AOX1: variants seen among roughly 807,000 people sequenced by gnomAD.
The protein encoded by AOX1 is aldehyde oxidase 1.
AOX1 carries 153 observed loss-of-function variants against 169.5 expected under a neutral mutation model. The ratio of observed to expected loss-of-function variants is 0.90; its 90% CI spans 0.79 to 1.03. AOX1 has a LOEUF of 1.03. AOX1 is among the 50% of genes least tolerant of loss of function. AOX1 has a pLI of 0.00. For missense variants in AOX1, 1,656 were observed against 1,663.9 expected (o/e 1.00, Z 0.08); for synonymous variants, 562 against 581.9 (o/e 0.97, Z 0.49).
At chr2:200,651,328 C>A in intron 26 of AOX1, 127 bp downstream of exon 26, 1 of 765,336 alleles carries the variant, frequency 1.3e-6, no homozygotes, top group Non-Finnish European at 2.1e-6. Flanking sequence ...TTAAATTTCA[C>A]AAAAGCCACC....
chr2:200,622,606 T>G (rs942366460), intron 18 of AOX1, among the ~76,000 whole-genome samples: 12 of 152,176 alleles, frequency 7.9e-5, no homozygotes, highest in Non-Finnish European at 1.8e-4. Context: ...GGTGAGAATT[T>G]AAGCCCTTTG....
chr2:200,658,220 C>A (rs556431129), intron 27 of AOX1, among the ~76,000 whole-genome samples: 1 of 152,200 alleles, frequency 6.6e-6, no homozygotes, highest in Admixed American at 6.5e-5. Flanking sequence ...AGAAAGTATC[C>A]CTCTCATGAC....
intron 31 of AOX1, among the ~76,000 whole-genome samples, chr2:200,663,596 T>TCCCC (rs1553579858): frequency 6.8e-6 from 1 of 147,928 alleles, no homozygotes. Flanking sequence ...TCTCTCTCTC[T>TCCCC]CCCCCTCTTT....
intron 19 of AOX1, among the ~76,000 whole-genome samples, chr2:200,626,684 C>T (rs2035012877): frequency 6.6e-6 from 1 of 152,174 alleles, no homozygotes; most frequent in Non-Finnish European, 1.5e-5. Flanking sequence ...AGCTGGAGGT[C>T]CCAGGTGCTC....
Position 200,620,745 on chromosome 2 carries a change from T to C in AOX1, c.1800T>C (p.Cys600=), listed in dbSNP as rs376368613. Residue 600 remains cysteine (C), a synonymous_variant, in exon 17 of 35, where the codon TGT becomes TGC. Transcript: ENST00000374700. ...ATGCCACGGGGGAGGCCATCTACTG[T>C]GATGACATGCCTCTGGTGGACCAGG... is the stretch of plus-strand genomic sequence containing the variant. ...VKHATGEAIY[C]DDMPLVDQEL... The C allele has an allele frequency of 1.9e-6, 3 of 1,609,108 alleles. No individual in the cohort carries two copies. Among genetic ancestry groups the C allele is most frequent in the Non-Finnish European group, 2.5e-6 (3 of 1,178,420 alleles).
At chr2:200,641,037 T>C (rs2035341848) in intron 23 of AOX1, 61 bp from the exon 24 acceptor site, 1 of 1,271,522 alleles carries the variant, frequency 7.9e-7, no homozygotes, top group Middle Eastern at 1.9e-4. Flanking sequence ...GGTTTGCAAA[T>C]GACAAAATTT....
In AOX1 at chr2:200,662,946, G is replaced by C. The variant is rs911733529; in HGVS notation, c.3520G>C (p.Asp1174His). ...AGCTGCCTGTTCCGAGGTTGAAATA[G>C]ACTGCCTGACGGGGGATCATAAGGT... ...YGAACSEVEI[D>H]CLTGDHKNIR... Residue 1174 changes from aspartate to histidine, a missense_variant, in exon 31 of 35, where the codon GAC becomes CAC. Coordinates refer to ENST00000374700, the MANE Select transcript of AOX1 (RefSeq NM_001159.4). 5.6e-6 allele frequency: 9 copies of C among 1,614,066 alleles called. No individual in the cohort carries two copies. The highest frequency in any genetic ancestry group is 2.2e-5 in the East Asian group (1 of 44,876).
At chr2:200,593,049 G>A in intron 1 of AOX1, 97 bp from the exon 2 acceptor site, 1 of 910,444 alleles carries the variant, frequency 1.1e-6, no homozygotes, top group Non-Finnish European at 1.8e-6. Context: ...GAGTAAAAGG[G>A]CTAATTAACA....
intron 20 of AOX1, among the ~76,000 whole-genome samples, chr2:200,628,120 A>G (rs1159966953): frequency 6.6e-6 from 1 of 152,162 alleles, no homozygotes; most frequent in East Asian, 1.9e-4. Context: ...AACTTACATA[A>G]AAGTTGCAGA....
At chr2:200,611,527 A>C in intron 13 of AOX1, 34 bp downstream of exon 13, 6 of 1,335,674 alleles carry the variant, frequency 4.5e-6, no homozygotes, top group Non-Finnish European at 6.5e-6. Flanking sequence ...TCCCAGTTGC[A>C]CCTGTGATGC....
intron 3 of AOX1, 28 bp downstream of exon 3, chr2:200,595,396 T>A (rs2034263046): frequency 6.4e-7 from 1 of 1,553,530 alleles, no homozygotes; most frequent in Non-Finnish European, 8.8e-7. Flanking sequence ...CCAGATATGG[T>A]TGAATTTTTA....
intron 17 of AOX1, 111 bp from the exon 18 acceptor site, chr2:200,621,009 C>T (rs1268105716): frequency 2.1e-6 from 3 of 1,397,598 alleles, no homozygotes. Context: ...TCCCAATTGT[C>T]TGGCAGAGAC....
intron 25 of AOX1, among the ~76,000 whole-genome samples, chr2:200,648,575 G>A (rs909830109): frequency 6.6e-6 from 1 of 152,194 alleles, no homozygotes; most frequent in African/African-American, 2.4e-5. Flanking sequence ...CTCCTACCAG[G>A]AGGTGGCACT....
chr2:200,676,768 A>G (rs1386638387), intron 4 of AOX1: 2 of 367,592 alleles, frequency 5.4e-6, no homozygotes, highest in Non-Finnish European at 1.1e-5. Context: ...AGGCGGGGAG[A>G]CAAGAGGGTT....
intron 10 of AOX1, among the ~76,000 whole-genome samples, chr2:200,608,740 C>A (rs1245337871): frequency 1.3e-5 from 2 of 148,710 alleles, no homozygotes; most frequent in African/African-American, 5.0e-5. Context: ...CATTACCCCA[C>A]CTTCATCACC....
intron 26 of AOX1, among the ~76,000 whole-genome samples, chr2:200,654,305 A>G (rs2035641776): frequency 6.6e-6 from 1 of 152,072 alleles, no homozygotes. Context: ...GCAGCCATCA[A>G]CATTGAGAAA....
Position 200,604,040 on chromosome 2 carries a change from AG to A in AOX1, c.613del (p.Glu205ArgfsTer12). 3 of 1,613,230 alleles carry A rather than the reference AG, an allele frequency of 1.9e-6. No individual in the cohort carries two copies. The highest frequency in any genetic ancestry group is 2.5e-6 in the Non-Finnish European group (3 of 1,179,172). On this transcript the variant is annotated frameshift_variant, in exon 8 of 35. Coordinates refer to ENST00000374700, the MANE Select transcript of AOX1 (RefSeq NM_001159.4). LOFTEE classifies it high-confidence loss of function. The stretch of plus-strand genomic sequence containing the variant: ...AGACAAGTCCAAAACTCTTCGCAGA[AG>A]AGGAGTTTCTGCCATTGGATCCAAC... ...SKTSPKLFAE[E>X]EFLPLDPTQE...
intron 25 of AOX1, among the ~76,000 whole-genome samples, chr2:200,648,107 T>C (rs976662843): frequency 2.6e-5 from 4 of 152,210 alleles, no homozygotes; most frequent in African/African-American, 9.7e-5. Flanking sequence ...AGATTTCTTC[T>C]TGGTTTGGAT....
chr2:200,635,621 AC>A lies in AOX1; in HGVS notation c.2346+709del, dbSNP rs893878712. The stretch of plus-strand genomic sequence containing the variant: ...CAATTCCACAGCAAGATCAAATGAC[AC>A]CCATTCATTTATTTTCTCACCTCTT... On this transcript the variant is annotated intron_variant, in intron 21 of 34. Coordinates refer to ENST00000374700, the MANE Select transcript of AOX1 (RefSeq NM_001159.4). 4.6e-4 allele frequency among the ~76,000 whole-genome samples: 70 copies of A among 152,168 alleles called. 1 individual carries two copies. The highest frequency in any genetic ancestry group is 1.4e-3 in the African/African-American group (58 of 41,536).
Sources: gnomAD v4.1 joint callset for allele counts (sites outside exome capture counted in the v4.1 genomes callset) on GRCh38, gnomAD v4.1.1 for gene constraint, MANE v1.5 for transcripts, NCBI Gene and HGNC (gene_info 2026-07-23, HGNC 2026-07-21) for gene names.